Variants in NNT observed in about 807,000 individuals in gnomAD.
The protein encoded by NNT is nicotinamide nucleotide transhydrogenase, also known as NAD(P) transhydrogenase, mitochondrial.
In NNT, 50 loss-of-function variants were observed where a neutral mutation model predicts 104.8. The ratio of observed to expected loss-of-function variants is 0.48; its 90% CI spans 0.38 to 0.60. The LOEUF (loss-of-function observed/expected upper bound fraction) is 0.60. Among genes scored for constraint, NNT ranks in the 20% least tolerant of loss-of-function variants. The pLI is 0.00. For missense variants in NNT, 1,131 were observed against 1,330.7 expected, an observed-to-expected ratio of 0.85 and a Z score of 2.33; for synonymous variants, 461 against 490.4, an observed-to-expected ratio of 0.94 and a Z score of 0.79.
Position 43,705,769 on chromosome 5 carries a change from GTA to G in NNT, c.*1367_*1368del, listed in dbSNP as rs200317908. On this transcript the variant is annotated 3_prime_UTR_variant, in exon 22 of 22. Coordinates refer to ENST00000344920, the MANE Select transcript of NNT (RefSeq NM_182977.3). ...TGCTGTGCCTGAGATTAAGATCTGT[GTA>G]TGTGTGTGTGTGTGTGTGTGCGTTT... The G allele has an allele frequency of 1.1e-4, 16 of 144,724 alleles. No individual in the cohort carries two copies. Among genetic ancestry groups the G allele is most frequent in the Admixed American group, 6.7e-5 (1 of 14,874 alleles). The allele number at this position is 144,724 out of a possible 1,614,324, so 9.0% of individuals were successfully genotyped here.
At chr5:43,699,070 A>G (rs1431879202) in intron 19 of NNT, among the ~76,000 whole-genome samples, 3 of 152,042 alleles carry the variant, frequency 2.0e-5, no homozygotes, top group Non-Finnish European at 4.4e-5. Context: ...TATGTGCCAC[A>G]CACTGTTCTT....
chr5:43,613,129 G>T lies in NNT; in HGVS notation c.373G>T (p.Val125Leu). 1 of 1,611,178 alleles carries T rather than the reference G, an allele frequency of 6.2e-7. No individual in the cohort carries two copies. Among genetic ancestry groups the T allele is most frequent in the Non-Finnish European group, 8.5e-7 (1 of 1,178,040 alleles). ...AAAGGAAGTGCTGGCTTCTGATTTG[G>T]TGGTCAAAGTAATTATTCCTTTTTC... ...GAKEVLASDL[V>L]VKVRAPMVNP... The change falls in exon 3 of 22, where the codon GTG (valine) becomes TTG (leucine). Residue 125 changes from valine (V) to leucine (L), a missense_variant. Coordinates refer to ENST00000344920, the MANE Select transcript of NNT (RefSeq NM_182977.3).
intron 17 of NNT, among the ~76,000 whole-genome samples, chr5:43,663,672 A>G (rs186968448): frequency 6.6e-6 from 1 of 152,362 alleles, no homozygotes; most frequent in East Asian, 1.9e-4. Flanking sequence ...AAAATTGGCC[A>G]TTAGTGCAAC....
At chr5:43,615,312 T>C (rs1450868945) in intron 3 of NNT, among the ~76,000 whole-genome samples, 1 of 152,234 alleles carries the variant, frequency 6.6e-6, no homozygotes, top group Non-Finnish European at 1.5e-5. Context: ...CTAGTGTGAA[T>C]TGTGTTCATC....
At position 43,637,829 on chromosome 5, in the gene NNT, G is replaced by C. The variant is rs528734678; in HGVS notation, c.965-6363G>C. Among the ~76,000 whole-genome samples, 33 of 152,130 alleles carry C rather than the reference G, an allele frequency of 2.2e-4. 1 individual carries two copies. In the East Asian group the frequency reaches 6.4e-3, roughly 29 times the overall value. ...TTTCTGAACCAATCCTTGTAGGTAG[G>C]GCAATGAGATGCACCTCGGCTTACA... On this transcript the variant is annotated intron_variant, in intron 7 of 21. Coordinates refer to ENST00000344920, the MANE Select transcript of NNT (RefSeq NM_182977.3).
chr5:43,661,602 T>C (rs1447174410), intron 17 of NNT, among the ~76,000 whole-genome samples: 2 of 120,658 alleles, frequency 1.7e-5, no homozygotes, highest in Non-Finnish European at 3.2e-5. Flanking sequence ...GATATTCCCC[T>C]TCCTGTGTCC....
At chr5:43,654,127 G>A (rs1488966883) in intron 14 of NNT, among the ~76,000 whole-genome samples, 1 of 152,076 alleles carries the variant, frequency 6.6e-6, no homozygotes, top group Non-Finnish European at 1.5e-5. Flanking sequence ...TGCTCTTGAG[G>A]TTACTTATGT....
chr5:43,621,720 A>G (rs530683113), intron 5 of NNT, among the ~76,000 whole-genome samples: 171 of 152,106 alleles, frequency 1.1e-3, no homozygotes, highest in Middle Eastern at 3.4e-3. Context: ...ATAATTTCAC[A>G]CAGGAAAAAA....
chr5:43,645,348 G>A lies in NNT; in HGVS notation c.1291-9G>A, dbSNP rs199676983. ...TTTTTAATACGTACTATTTTTTAAT[G>A]TCTATTAGGATGGTAAAGTGATTTT... On this transcript the variant is annotated splice_polypyrimidine_tract_variant and intron_variant, in intron 9 of 21. Coordinates refer to ENST00000344920, the MANE Select transcript of NNT (RefSeq NM_182977.3). The A allele has an allele frequency of 7.6e-6, 11 of 1,444,512 alleles. No individual in the cohort carries two copies. Among genetic ancestry groups the A allele is most frequent in the Admixed American group, 7.0e-5 (3 of 42,778 alleles). 89.5% of individuals were successfully genotyped at this position (1,444,512 alleles called of 1,614,324 possible).
chr5:43,614,202 G>C (rs1445758257), intron 3 of NNT, among the ~76,000 whole-genome samples: 3 of 152,190 alleles, frequency 2.0e-5, no homozygotes, highest in African/African-American at 7.2e-5. Flanking sequence ...TTACATTTTG[G>C]AAGTGCTATG....
intron 16 of NNT, among the ~76,000 whole-genome samples, chr5:43,658,169 A>G (rs1175185242): frequency 6.6e-6 from 1 of 152,180 alleles, no homozygotes; most frequent in African/African-American, 2.4e-5. Context: ...ATACAAATCT[A>G]AAACTTTAAG....
chr5:43,667,212 G>C lies in NNT; in HGVS notation c.2634+7862G>C, dbSNP rs1030142211. The C allele has an allele frequency of 9.4e-6, 12 of 1,274,578 alleles. No individual in the cohort carries two copies. The East Asian group carries it at 2.8e-4, about 29-fold the overall frequency. 79.0% of individuals were successfully genotyped at this position (1,274,578 alleles called of 1,614,324 possible). A position where few individuals can be genotyped will look rare whatever the true frequency, so the allele number is the denominator to read the frequency against. ...ATTTTCGGGACTGGTTGTGTGTAGTGTGGTTCTTGGACTTGGCCATGTCTG... is the reference window on the plus strand; with the variant it reads ...ATTTTCGGGACTGGTTGTGTGTAGTCTGGTTCTTGGACTTGGCCATGTCTG... On this transcript the variant is annotated intron_variant, in intron 17 of 21. Coordinates refer to ENST00000344920, the MANE Select transcript of NNT (RefSeq NM_182977.3).
At chr5:43,672,520 G>A (rs941746062) in intron 17 of NNT, among the ~76,000 whole-genome samples, 3 of 152,244 alleles carry the variant, frequency 2.0e-5, no homozygotes, top group Non-Finnish European at 2.9e-5. Context: ...ACCCTCAGCT[G>A]CAGGTCTGTT....
At chr5:43,665,542 G>A (rs1487422279) in intron 17 of NNT, among the ~76,000 whole-genome samples, 3 of 152,106 alleles carry the variant, frequency 2.0e-5, no homozygotes, top group Admixed American at 6.5e-5. Context: ...AGAAAGCACC[G>A]GGTTGGGGGC....
chr5:43,627,451 AT>A, intron 6 of NNT, among the ~76,000 whole-genome samples: 1 of 152,082 alleles, frequency 6.6e-6, no homozygotes, highest in African/African-American at 2.4e-5. Context: ...GGGAATTTGA[AT>A]TTTTAACAAG....
At chr5:43,667,876 G>C (rs1383206639) in intron 17 of NNT, among the ~76,000 whole-genome samples, 1 of 152,196 alleles carries the variant, frequency 6.6e-6, no homozygotes, top group East Asian at 1.9e-4. Flanking sequence ...CTAGTTTACA[G>C]TCCCACCAAC....
intron 16 of NNT, among the ~76,000 whole-genome samples, chr5:43,658,330 CA>C (rs1217943414): frequency 6.6e-6 from 1 of 151,574 alleles, no homozygotes; most frequent in Non-Finnish European, 1.5e-5. Flanking sequence ...TTGTAACAAA[CA>C]AAAAAAGGTA....
rs538153634 is a variant in NNT, at chr5:43,619,275, C to T, written c.687+156C>T. ...TATTTCACGAAACCTCAAAGCTTAA[C>T]GTTTAAGATTGCTAGAAAAAAATGA... On this transcript the variant is annotated intron_variant, in intron 5 of 21. Coordinates refer to ENST00000344920, the MANE Select transcript of NNT (RefSeq NM_182977.3). 4.6e-5 allele frequency among the ~76,000 whole-genome samples: 7 copies of T among 151,992 alleles called. No homozygotes were observed. The East Asian group carries it at 9.6e-4, about 21-fold the overall frequency.
In NNT at chr5:43,621,694, T is replaced by G. The variant is rs549630761; in HGVS notation, c.688-2338T>G. On this transcript the variant is annotated intron_variant, in intron 5 of 21. Transcript: ENST00000344920. ...TTTTGGGATTACAGGCATGAGCCAC[T>G]GCACCTGGCCATGAGATAATTTCAC... Among the ~76,000 whole-genome samples, 8 of 152,034 alleles carry G rather than the reference T, an allele frequency of 5.3e-5. No individual in the cohort carries two copies. In the South Asian group the frequency reaches 8.3e-4, roughly 16 times the overall value.
Sources: gnomAD v4.1 joint callset for allele counts (sites outside exome capture counted in the v4.1 genomes callset) on GRCh38, gnomAD v4.1.1 for gene constraint, MANE v1.5 for transcripts, NCBI Gene and HGNC (gene_info 2026-07-23, HGNC 2026-07-21) for gene names.